The following ADD3 variants were observed in gnomAD, a reference collection of about 807,000 sequenced individuals.
ADD3 encodes the protein gamma-adducin.
Under a neutral mutation model 80.2 loss-of-function variants are expected in ADD3, and 25 were observed. The observed-to-expected ratio is 0.31, with a 90% CI of 0.23 to 0.44. ADD3 has a LOEUF of 0.44. ADD3 is among the 20% of genes least tolerant of loss of function. ADD3 has a pLI of 1.00. For synonymous variants in ADD3, 284 were observed against 289.6 expected, an observed-to-expected ratio of 0.98 and a Z score of 0.20; for missense variants, 829 against 847.5, an observed-to-expected ratio of 0.98 and a Z score of 0.27.
intron 1 of ADD3, among the ~76,000 whole-genome samples, chr10:110,093,329 T>C (rs1847781662): frequency 6.6e-6 from 1 of 152,240 alleles, no homozygotes; most frequent in Non-Finnish European, 1.5e-5. Context: ...TTACCACTTA[T>C]TTCAGTTGGT....
chr10:110,095,109 C>T (rs1847998984), intron 1 of ADD3, among the ~76,000 whole-genome samples: 1 of 152,182 alleles, frequency 6.6e-6, no homozygotes, highest in African/African-American at 2.4e-5. Flanking sequence ...TAACTTAATT[C>T]AGCCCCCATT....
Position 110,008,184 on chromosome 10 carries a change from C to G in ADD3, c.-145C>G, listed in dbSNP as rs531530145. On this transcript the variant is annotated 5_prime_UTR_variant, in exon 1 of 15. Transcript: ENST00000356080. ...CCCTCCCCTTCTCCCGCCCTACCCTCTGGGGCTCTGCGGCGCTTAAGAGGC... is the reference window on the plus strand; with the variant it reads ...CCCTCCCCTTCTCCCGCCCTACCCTGTGGGGCTCTGCGGCGCTTAAGAGGC... 1 of 152,400 alleles carries G rather than the reference C, an allele frequency of 6.6e-6. No individual in the cohort carries two copies. The highest frequency in any genetic ancestry group is 2.4e-5 in the African/African-American group (1 of 41,468). The allele number at this position is 152,400 out of a possible 1,614,324, so 9.4% of individuals were successfully genotyped here.
chr10:110,013,105 T>G (rs766048632), intron 1 of ADD3, among the ~76,000 whole-genome samples: 1 of 152,148 alleles, frequency 6.6e-6, no homozygotes, highest in Non-Finnish European at 1.5e-5. Context: ...TTTAGGTTTT[T>G]GTTTTGTTTT....
At chr10:110,025,353 A>T (rs1032016496) in intron 1 of ADD3, among the ~76,000 whole-genome samples, 6 of 151,914 alleles carry the variant, frequency 3.9e-5, no homozygotes, top group African/African-American at 1.4e-4. Context: ...TATTTTTTTA[A>T]TTTTAGTTCG....
At chr10:110,122,054 T>C in intron 8 of ADD3, 56 bp from the exon 9 acceptor site, 1 of 1,448,242 alleles carries the variant, frequency 6.9e-7, no homozygotes, top group Non-Finnish European at 9.3e-7. Flanking sequence ...GAAAGTAAAA[T>C]ACTCATTACA....
intron 1 of ADD3, among the ~76,000 whole-genome samples, chr10:110,041,643 C>G (rs139758241): frequency 8.6e-4 from 131 of 152,320 alleles, no homozygotes; most frequent in African/African-American, 3.0e-3. Flanking sequence ...GCAATTTCCA[C>G]TGCTCTGGTT....
Position 110,070,781 on chromosome 10 carries a change from C to T in ADD3, c.-29-29844C>T, listed in dbSNP as rs572081982. Among the ~76,000 whole-genome samples the T allele has an allele frequency of 5.3e-5, 8 of 152,070 alleles. 1 individual carries two copies. Among genetic ancestry groups the T allele is most frequent in the South Asian group, 4.2e-4 (2 of 4,814 alleles). On this transcript the variant is annotated intron_variant, in intron 1 of 14. Coordinates refer to ENST00000356080, the MANE Select transcript of ADD3 (RefSeq NM_016824.5). Reference sequence around the variant, plus strand: ...GGTGCAGATAACCAAACTTGTCTCTCGCCCTGTCTTGGAAAAAGCTTACTT... The same window carrying T: ...GGTGCAGATAACCAAACTTGTCTCTTGCCCTGTCTTGGAAAAAGCTTACTT...
At chr10:110,007,689 CGCTGCG>C (rs1204212125), upstream of ADD3, among the ~76,000 whole-genome samples, 1 of 152,168 alleles carries the variant, frequency 6.6e-6, no homozygotes, top group African/African-American at 2.4e-5. Context: ...AGGCCCCCAC[CGCTGCG>C]GCTTCACGGA....
upstream of ADD3, among the ~76,000 whole-genome samples, chr10:110,007,180 C>T (rs1851707087): frequency 2.0e-5 from 3 of 152,218 alleles, no homozygotes; most frequent in African/African-American, 7.2e-5. Context: ...GATGCCTCGA[C>T]TTTTCGCCTC....
chr10:110,124,566 A>G (rs998125244), intron 10 of ADD3, among the ~76,000 whole-genome samples: 1 of 152,158 alleles, frequency 6.6e-6, no homozygotes, highest in Admixed American at 6.5e-5. Context: ...TTGCATGAAG[A>G]CAGTCTGACT....
At chr10:110,064,514 C>A (rs189177319) in intron 1 of ADD3, among the ~76,000 whole-genome samples, 3 of 152,128 alleles carry the variant, frequency 2.0e-5, no homozygotes. Flanking sequence ...TCTTAATGTA[C>A]ATACTGGGTT....
chr10:110,075,738 G>C (rs912788159), intron 1 of ADD3: 4 of 152,186 alleles, frequency 2.6e-5, no homozygotes, highest in Admixed American at 2.6e-4. Flanking sequence ...TTTGAGGGGG[G>C]AGATGAGGAA....
chr10:110,134,867 C>G lies in ADD3; in HGVS notation c.*1249C>G, dbSNP rs1243767650. The G allele has an allele frequency of 1.3e-5, 2 of 152,572 alleles. No individual in the cohort carries two copies. The highest frequency in any genetic ancestry group is 2.9e-5 in the Non-Finnish European group (2 of 68,014). 9.5% of individuals were successfully genotyped at this position (152,572 alleles called of 1,614,324 possible). A position where few individuals can be genotyped will look rare whatever the true frequency, so the allele number is the denominator to read the frequency against. Reference sequence around the variant, plus strand: ...TAGAAGAAATCAGCAGGTCTAATCCCACCAGTAAGAAAACTACCACTTCTT... The same window carrying G: ...TAGAAGAAATCAGCAGGTCTAATCCGACCAGTAAGAAAACTACCACTTCTT... On this transcript the variant is annotated 3_prime_UTR_variant, in exon 15 of 15. Transcript: ENST00000356080.
intron 14 of ADD3, 81 bp downstream of exon 14, chr10:110,132,481 A>ACTTCCTCAC: frequency 1.2e-6 from 1 of 832,580 alleles, no homozygotes; most frequent in Non-Finnish European, 2.0e-6. Flanking sequence ...CACGTGAGGA[A>ACTTCCTCAC]GTTGAATACC....
rs548954210 is a variant in ADD3, at chr10:110,119,357, A to G, written c.861+3A>G. Reference sequence around the variant, plus strand: ...AGGTTCTGGGACCAAGTTGTAAGGTATGTAGTAGAGTTTGTCTAAGGAGCT... The same window carrying G: ...AGGTTCTGGGACCAAGTTGTAAGGTGTGTAGTAGAGTTTGTCTAAGGAGCT... On this transcript the variant is annotated splice_donor_region_variant and intron_variant, in intron 7 of 14. Transcript: ENST00000356080. 193 of 1,614,080 alleles carry G rather than the reference A, an allele frequency of 1.2e-4. 1 individual carries two copies. In the South Asian group the frequency reaches 1.9e-3, roughly 16 times the overall value.
At chr10:110,035,258 A>G (rs986258480) in intron 1 of ADD3, among the ~76,000 whole-genome samples, 2 of 152,168 alleles carry the variant, frequency 1.3e-5, no homozygotes, top group Admixed American at 1.3e-4. Context: ...ATTTCTCATC[A>G]TTATGTCAGC....
intron 2 of ADD3, among the ~76,000 whole-genome samples, chr10:110,107,268 C>CT (rs1174338084): frequency 6.6e-6 from 1 of 151,910 alleles, no homozygotes; most frequent in East Asian, 1.9e-4. Flanking sequence ...ATACAGAGAT[C>CT]CCTCCTAACT....
At chr10:110,025,081 C>T (rs1007761386) in intron 1 of ADD3, among the ~76,000 whole-genome samples, 1 of 151,824 alleles carries the variant, frequency 6.6e-6, no homozygotes, top group South Asian at 2.1e-4. Context: ...TTTTTAATAG[C>T]GTCGGGGTTT....
chr10:110,108,156 C>T (rs1849599161), intron 2 of ADD3, among the ~76,000 whole-genome samples: 1 of 152,112 alleles, frequency 6.6e-6, no homozygotes, highest in Non-Finnish European at 1.5e-5. Context: ...TCTCATTATG[C>T]TTTGATGAAT....
Sources: allele counts gnomAD v4.1 joint callset (sites outside exome capture counted in the v4.1 genomes callset), GRCh38; gene constraint gnomAD v4.1.1; transcripts MANE v1.5; gene names NCBI Gene and HGNC (gene_info 2026-07-23, HGNC 2026-07-21).